Variants in EXOC6B observed in about 807,000 individuals in gnomAD.
EXOC6B encodes the protein SEC15 homolog B.
In EXOC6B, 54 loss-of-function variants were observed where a neutral mutation model predicts 113.5. That is an observed-to-expected ratio of 0.48 (90% CI 0.38 to 0.60). The LOEUF is 0.60. Ranked by LOEUF, EXOC6B falls within the 20% of genes least tolerant of loss-of-function variation. The pLI, the probability that EXOC6B is intolerant of heterozygous loss-of-function variation, is 0.00. For missense variants in EXOC6B, 797 were observed against 977.5 expected (o/e 0.82, Z 2.46); for synonymous variants, 357 against 339.0 (o/e 1.05, Z -0.58).
At chr2:72,234,718 A>G (rs1191561084) in intron 20 of EXOC6B, among the ~76,000 whole-genome samples, 1 of 152,142 alleles carries the variant, frequency 6.6e-6, no homozygotes, top group Non-Finnish European at 1.5e-5. Context: ...GCAAAAAACA[A>G]ACAAGCCCAT....
At chr2:72,257,111 C>G (rs1179085733) in intron 20 of EXOC6B, among the ~76,000 whole-genome samples, 1 of 152,118 alleles carries the variant, frequency 6.6e-6, no homozygotes, top group Non-Finnish European at 1.5e-5. Flanking sequence ...TCCACAAAGA[C>G]AACGCACATA....
intron 6 of EXOC6B, among the ~76,000 whole-genome samples, chr2:72,656,954 TG>T (rs763498368): frequency 1.5e-4 from 23 of 151,782 alleles, no homozygotes; most frequent in Non-Finnish European, 2.8e-4. Context: ...TAGGTTCAAG[TG>T]ATTCTCCTGC....
At chr2:72,422,235 C>T (rs1177642219) in intron 18 of EXOC6B, among the ~76,000 whole-genome samples, 1 of 152,242 alleles carries the variant, frequency 6.6e-6, no homozygotes, top group African/African-American at 2.4e-5. Flanking sequence ...GACTGGCAGA[C>T]AGCTCCACCT....
At position 72,823,475 on chromosome 2, in the gene EXOC6B, AAAACAAAAAAC is replaced by A. The variant is rs1225149477; in HGVS notation, c.113+2312_113+2322del. On this transcript the variant is annotated intron_variant, in intron 1 of 21. Transcript: ENST00000272427. ...AAGTTTTAAGAAAAAAAAAAAAAAA[AAAACAAAAAAC>A]AAAAAAAAAGACAGTGGCCAGGCAC... Among the ~76,000 whole-genome samples, 489 of 112,432 alleles carry A rather than the reference AAAACAAAAAAC, an allele frequency of 4.3e-3. 91 individuals are homozygous for A. Among genetic ancestry groups the A allele is most frequent in the African/African-American group, 0.017 (456 of 26,200 alleles). 73.8% of individuals were successfully genotyped at this position (112,432 alleles called of 152,430 possible).
intron 20 of EXOC6B, among the ~76,000 whole-genome samples, chr2:72,252,686 T>C (rs1387268651): frequency 2.6e-5 from 4 of 152,154 alleles, no homozygotes; most frequent in Non-Finnish European, 4.4e-5. Context: ...ATACACATAA[T>C]ACACATTAAG....
intron 18 of EXOC6B, among the ~76,000 whole-genome samples, chr2:72,425,532 G>A (rs1365600774): frequency 6.6e-6 from 1 of 152,062 alleles, no homozygotes; most frequent in East Asian, 1.9e-4. Context: ...GAAAGATGAA[G>A]CAATCAGCAT....
At chr2:72,677,859 AAAGATGAGCAATCCATGAGG>A (rs1676425524) in intron 6 of EXOC6B, among the ~76,000 whole-genome samples, 2 of 152,318 alleles carry the variant, frequency 1.3e-5, no homozygotes, top group Admixed American at 1.3e-4. Flanking sequence ...TACAAAATAA[AAAGATGAGCAATCCATGAGG>A]AAGTTAACTA....
chr2:72,814,952 C>A (rs1686140795), intron 1 of EXOC6B, among the ~76,000 whole-genome samples: 2 of 152,184 alleles, frequency 1.3e-5, no homozygotes, highest in African/African-American at 4.8e-5. Context: ...GATCGTGCCA[C>A]TGCACTCCAG....
chr2:72,553,368 T>C (rs1703348619), intron 8 of EXOC6B, among the ~76,000 whole-genome samples: 1 of 152,110 alleles, frequency 6.6e-6, no homozygotes, highest in African/African-American at 2.4e-5. Context: ...AAACTGTTAA[T>C]TCTTCCAAAA....
rs72916250 is a variant in EXOC6B at position 72,681,206 on chromosome 2, A to C, written c.669+36897T>G. 5.1e-4 allele frequency among the ~76,000 whole-genome samples: 78 copies of C among 152,310 alleles called. 1 individual carries two copies. The highest frequency in any genetic ancestry group is 1.9e-3 in the African/African-American group (77 of 41,564). Reference sequence around the variant, plus strand: ...TAAATATACCCTTCACTCAGACCTCAGAGAATTACTTGTCCAAGCCCTAAA... The same window carrying C: ...TAAATATACCCTTCACTCAGACCTCCGAGAATTACTTGTCCAAGCCCTAAA... On this transcript the variant is annotated intron_variant, in intron 6 of 21. Transcript: ENST00000272427.
At chr2:72,786,699 G>A (rs1684394368) in intron 1 of EXOC6B, among the ~76,000 whole-genome samples, 1 of 152,120 alleles carries the variant, frequency 6.6e-6, no homozygotes, top group Non-Finnish European at 1.5e-5. Context: ...GCAATAGTAT[G>A]GAAAATTCGC....
chr2:72,465,248 G>C lies in EXOC6B; in HGVS notation c.1892C>G (p.Thr631Ser). 2 of 1,610,786 alleles carry C rather than the reference G, an allele frequency of 1.2e-6. No individual in the cohort carries two copies. The highest frequency in any genetic ancestry group is 1.7e-6 in the Non-Finnish European group (2 of 1,178,482). The stretch of plus-strand genomic sequence containing the variant: ...ACTAGCTTTGTTGCCCAAATCTCCG[G>C]TCATCCAGTCATAGTCTGCCAGCTG... ...FLQLADYDWM[T>S]GDLGNKASDY... is the part of the protein sequence containing the mutation. The change falls in exon 18 of 22, where the codon ACC becomes AGC. Residue 631 changes from threonine (T) to serine (S), a missense_variant. Thr to Ser is a moderately conservative substitution (Grantham distance 58, BLOSUM62 1). Transcript: ENST00000272427.
intron 20 of EXOC6B, among the ~76,000 whole-genome samples, chr2:72,251,789 A>G (rs1442635844): frequency 1.3e-5 from 2 of 152,208 alleles, no homozygotes; most frequent in Non-Finnish European, 2.9e-5. Flanking sequence ...TAGCGTAACT[A>G]TAACTGAAAT....
chr2:72,432,235 C>A (rs1458363855), intron 18 of EXOC6B, among the ~76,000 whole-genome samples: 2 of 151,962 alleles, frequency 1.3e-5, no homozygotes, highest in East Asian at 3.9e-4. Flanking sequence ...GCAGTTTCAC[C>A]ATGTTGGTCA....
rs112687269 is a variant in EXOC6B at position 72,743,476 on chromosome 2, C to T, written c.114-2007G>A. 2.3e-4 allele frequency among the ~76,000 whole-genome samples: 35 copies of T among 152,066 alleles called. 2 individuals are homozygous for T. The highest frequency in any genetic ancestry group is 5.8e-4 in the African/African-American group (24 of 41,494). ...CCTGGCTTTTTTTAAAGCCTCTTCC[C>T]GCCTCAAGAATTTTGTTTTTGCAGT... is the stretch of plus-strand genomic sequence containing the variant. On this transcript the variant is annotated intron_variant, in intron 1 of 21. Coordinates refer to ENST00000272427, the MANE Select transcript of EXOC6B (RefSeq NM_015189.3).
chr2:72,495,930 G>A (rs1700009886), intron 14 of EXOC6B, among the ~76,000 whole-genome samples: 1 of 152,102 alleles, frequency 6.6e-6, no homozygotes, highest in Non-Finnish European at 1.5e-5. Flanking sequence ...TAGATGCACA[G>A]AGCCCAGGTT....
intron 20 of EXOC6B, among the ~76,000 whole-genome samples, chr2:72,272,376 T>C (rs889134646): frequency 6.6e-6 from 1 of 152,094 alleles, no homozygotes; most frequent in African/African-American, 2.4e-5. Context: ...TAAATCCAAT[T>C]ATGGTAATTC....
chr2:72,591,528 G>A (rs1260951873), intron 6 of EXOC6B, among the ~76,000 whole-genome samples: 5 of 152,082 alleles, frequency 3.3e-5, no homozygotes, highest in African/African-American at 9.7e-5. Context: ...ACAGCAAAAC[G>A]GCTCAAGGCT....
intron 20 of EXOC6B, among the ~76,000 whole-genome samples, chr2:72,244,549 T>C (rs1559053152): frequency 6.6e-6 from 1 of 151,042 alleles, no homozygotes; most frequent in Non-Finnish European, 1.5e-5. Flanking sequence ...AAAAAAGCAA[T>C]AAAAATTAGG....
Sources: allele counts gnomAD v4.1 joint callset (sites outside exome capture counted in the v4.1 genomes callset), GRCh38; gene constraint gnomAD v4.1.1; transcripts MANE v1.5; gene names NCBI Gene and HGNC (gene_info 2026-07-23, HGNC 2026-07-21).